Variants in TRAPPC9 observed in about 807,000 individuals in gnomAD.
TRAPPC9 encodes the protein IKK2 binding protein.
Under a neutral mutation model 124.0 loss-of-function variants are expected in TRAPPC9, and 83 were observed. That is an observed-to-expected ratio of 0.67 (90% confidence interval 0.56 to 0.80). The LOEUF (loss-of-function observed/expected upper bound fraction) is 0.80. TRAPPC9 is among the 30% of genes least tolerant of loss of function. The pLI is 0.00. For synonymous variants in TRAPPC9, 638 were observed against 617.5 expected (o/e 1.03, Z -0.49); for missense variants, 1,302 against 1,508.3 (o/e 0.86, Z 2.27).
At chr8:140,456,870 T>A (rs2071685265) in intron 1 of TRAPPC9, 2 of 984,294 alleles carry the variant, frequency 2.0e-6, no homozygotes, top group South Asian at 4.7e-5. Flanking sequence ...AGACAACGCA[T>A]CCTAACACGG....
intron 21 of TRAPPC9, among the ~76,000 whole-genome samples, chr8:139,848,027 G>A (rs911910692): frequency 4.6e-5 from 7 of 152,226 alleles, no homozygotes; most frequent in African/African-American, 1.4e-4. Flanking sequence ...AGCCCCTCAC[G>A]CAGGGCCTGT....
intron 17 of TRAPPC9, among the ~76,000 whole-genome samples, chr8:140,103,068 G>A (rs909923415): frequency 2.6e-5 from 4 of 152,160 alleles, no homozygotes; most frequent in South Asian, 4.1e-4. Context: ...GAGCATGAAA[G>A]ACCTGCCGCT....
chr8:139,939,218 C>T (rs1833745503), intron 19 of TRAPPC9, among the ~76,000 whole-genome samples: 1 of 152,216 alleles, frequency 6.6e-6, no homozygotes, highest in African/African-American at 2.4e-5. Flanking sequence ...TGGGTGAAAG[C>T]CCAGAGTCCA....
intron 9 of TRAPPC9, among the ~76,000 whole-genome samples, chr8:140,356,417 G>A (rs1440525822): frequency 6.6e-6 from 1 of 152,136 alleles, no homozygotes; most frequent in African/African-American, 2.4e-5. Flanking sequence ...ACAGAAGAGT[G>A]GAATGGGTCA....
At chr8:140,339,402 A>G (rs187328206) in intron 9 of TRAPPC9, among the ~76,000 whole-genome samples, 2 of 152,356 alleles carry the variant, frequency 1.3e-5, no homozygotes, top group African/African-American at 2.4e-5. Flanking sequence ...GAAATTATCA[A>G]TCAAATCTGA....
intron 17 of TRAPPC9, among the ~76,000 whole-genome samples, chr8:140,107,405 C>G (rs75289959): frequency 6.6e-6 from 1 of 152,180 alleles, no homozygotes; most frequent in Non-Finnish European, 1.5e-5. Flanking sequence ...AAGACCAGAA[C>G]ATCAAGTAAA....
intron 9 of TRAPPC9, among the ~76,000 whole-genome samples, chr8:140,317,399 C>A (rs183894963): frequency 2.0e-5 from 3 of 152,274 alleles, no homozygotes; most frequent in East Asian, 1.9e-4. Context: ...GATAAGGTCC[C>A]ATTATTCTTT....
intron 17 of TRAPPC9, among the ~76,000 whole-genome samples, chr8:140,054,871 G>A (rs957105522): frequency 2.0e-5 from 3 of 151,576 alleles, no homozygotes; most frequent in African/African-American, 7.3e-5. Flanking sequence ...AACCTCAACA[G>A]AATCACAACT....
chr8:140,166,438 A>G (rs1456600888), intron 17 of TRAPPC9, among the ~76,000 whole-genome samples: 1 of 152,224 alleles, frequency 6.6e-6, no homozygotes, highest in East Asian at 1.9e-4. Flanking sequence ...GAGTGGACAC[A>G]TGGTCCTCAC....
intron 9 of TRAPPC9, among the ~76,000 whole-genome samples, chr8:140,347,566 C>T (rs2067387576): frequency 6.6e-6 from 1 of 152,110 alleles, no homozygotes; most frequent in African/African-American, 2.4e-5. Flanking sequence ...CCCTGTTAGG[C>T]AAGTTTAGCA....
At chr8:140,413,841 C>T (rs1291894922) in intron 5 of TRAPPC9, among the ~76,000 whole-genome samples, 1 of 151,752 alleles carries the variant, frequency 6.6e-6, no homozygotes, top group Non-Finnish European at 1.5e-5. Flanking sequence ...GACATGAACT[C>T]ATCATTTTTT....
intron 17 of TRAPPC9, among the ~76,000 whole-genome samples, chr8:140,220,498 T>C (rs2063313793): frequency 6.6e-6 from 1 of 152,182 alleles, no homozygotes; most frequent in Admixed American, 6.5e-5. Flanking sequence ...CCTTCTTTAC[T>C]GCAGAGCCCA....
intron 21 of TRAPPC9, among the ~76,000 whole-genome samples, chr8:139,735,500 G>A (rs1818099627): frequency 6.6e-6 from 1 of 152,142 alleles, no homozygotes; most frequent in Non-Finnish European, 1.5e-5. Flanking sequence ...AATGTTTCTT[G>A]AACAGTGAAC....
At chr8:139,883,742 A>G (rs1829826613) in intron 21 of TRAPPC9, among the ~76,000 whole-genome samples, 1 of 152,176 alleles carries the variant, frequency 6.6e-6, no homozygotes, top group East Asian at 1.9e-4. Context: ...CAGGCGCCCC[A>G]CCAGTTTTCA....
chr8:140,263,996 C>A (rs190950952), intron 15 of TRAPPC9, among the ~76,000 whole-genome samples: 20 of 152,280 alleles, frequency 1.3e-4, no homozygotes, highest in Admixed American at 1.2e-3. Flanking sequence ...CCAAGACACT[C>A]CACTCTATGA....
chr8:140,298,565 T>TC (rs1428437898), intron 11 of TRAPPC9, among the ~76,000 whole-genome samples: 1 of 152,026 alleles, frequency 6.6e-6, no homozygotes, highest in Non-Finnish European at 1.5e-5. Context: ...GGCAGGAGGA[T>TC]CAACTGAGCC....
chr8:140,065,977 G>C (rs1475197467), intron 17 of TRAPPC9, among the ~76,000 whole-genome samples: 1 of 152,184 alleles, frequency 6.6e-6, no homozygotes, highest in East Asian at 1.9e-4. Context: ...TGATTCCTCC[G>C]ATGGATCTGG....
intron 21 of TRAPPC9, among the ~76,000 whole-genome samples, chr8:139,882,591 A>T (rs1829737814): frequency 6.6e-6 from 1 of 152,136 alleles, no homozygotes; most frequent in Non-Finnish European, 1.5e-5. Context: ...GCCAGTATGC[A>T]TCTGCGCAGG....
At chr8:140,061,548 C>T (rs562204230) in intron 17 of TRAPPC9, among the ~76,000 whole-genome samples, 1 of 152,228 alleles carries the variant, frequency 6.6e-6, no homozygotes, top group South Asian at 2.1e-4. Flanking sequence ...TGCCACAGAG[C>T]CTTGAACAAA....
Sources: allele counts gnomAD v4.1 joint callset (sites outside exome capture counted in the v4.1 genomes callset), GRCh38; gene constraint gnomAD v4.1.1; transcripts MANE v1.5; gene names NCBI Gene and HGNC (gene_info 2026-07-23, HGNC 2026-07-21).